CCDC7: variants seen among roughly 807,000 people sequenced by gnomAD.
The protein encoded by CCDC7 is coiled-coil domain containing 7.
A neutral mutation model predicts 196.9 loss-of-function variants in CCDC7; 183 were observed. That is an observed-to-expected ratio of 0.93 (90% confidence interval 0.82 to 1.05). CCDC7 has a LOEUF of 1.05. Ranked by LOEUF, CCDC7 falls within the 50% of genes least tolerant of loss-of-function variation. The pLI is 0.00. For missense variants in CCDC7, 1,540 were observed against 1,482.2 expected (o/e 1.04, Z -0.64); for synonymous variants, 525 against 484.6 (o/e 1.08, Z -1.10).
intron 32 of CCDC7, among the ~76,000 whole-genome samples, chr10:32,826,854 T>G (rs1225588776): frequency 6.6e-6 from 1 of 152,212 alleles, no homozygotes; most frequent in Admixed American, 6.5e-5. Flanking sequence ...TGTGCACTCT[T>G]CATGGAAGGA....
chr10:32,456,079 T>C (rs775370290), intron 2 of CCDC7, among the ~76,000 whole-genome samples, 172 bp from the exon 4 acceptor site: 6 of 152,186 alleles, frequency 3.9e-5, no homozygotes, highest in Non-Finnish European at 8.8e-5. Context: ...TATTTTTTCT[T>C]TGGGAGAATT....
intron 8 of CCDC7, among the ~76,000 whole-genome samples, chr10:32,477,548 C>G (rs539515597): frequency 2.3e-4 from 34 of 148,492 alleles, no homozygotes; most frequent in Admixed American, 1.7e-3. Flanking sequence ...TGTCTAGAGT[C>G]ATTGTTTTTT....
At chr10:32,612,352 A>T (rs538402889) in intron 18 of CCDC7, among the ~76,000 whole-genome samples, 1,279 of 26,690 alleles carry the variant, frequency 0.048, 28 homozygotes, top group Middle Eastern at 0.15. Flanking sequence ...ATATACAATC[A>T]TGTCATCTGC....
upstream of CCDC7, among the ~76,000 whole-genome samples, chr10:32,451,149 A>G (rs561180702): frequency 6.6e-6 from 1 of 152,332 alleles, no homozygotes; most frequent in South Asian, 2.1e-4. Context: ...TATGGAGAGC[A>G]AAGGGTATAG....
intron 31 of CCDC7, among the ~76,000 whole-genome samples, chr10:32,814,731 A>G (rs2088002597): frequency 6.6e-6 from 1 of 152,234 alleles, no homozygotes; most frequent in South Asian, 2.1e-4. Context: ...TGGTAAAAAT[A>G]TCAGTCAAGT....
At chr10:32,566,036 A>G (rs2056732867) in intron 14 of CCDC7, among the ~76,000 whole-genome samples, 1 of 152,178 alleles carries the variant, frequency 6.6e-6, no homozygotes. Context: ...TAGTTAAATA[A>G]TACAACAAGA....
chr10:32,664,566 C>T (rs917702886), intron 21 of CCDC7, among the ~76,000 whole-genome samples: 1 of 152,060 alleles, frequency 6.6e-6, no homozygotes, highest in African/African-American at 2.4e-5. Flanking sequence ...CTTTTTAAAA[C>T]TCCTCATATA....
intron 20 of CCDC7, among the ~76,000 whole-genome samples, chr10:32,642,248 G>T (rs994083703): frequency 6.6e-6 from 1 of 152,222 alleles, no homozygotes; most frequent in South Asian, 2.1e-4. Context: ...GCCCCCAGAG[G>T]TGGAGTCTAC....
intron 41 of CCDC7, among the ~76,000 whole-genome samples, chr10:32,862,179 G>T (rs1235461243): frequency 6.6e-6 from 1 of 152,050 alleles, no homozygotes; most frequent in East Asian, 1.9e-4. Flanking sequence ...ATGCCCATCA[G>T]TGATAGACTG....
At chr10:32,472,438 C>A in intron 6 of CCDC7, 43 bp from the exon 8 acceptor site, 2 of 1,512,156 alleles carry the variant, frequency 1.3e-6, no homozygotes, top group South Asian at 2.7e-5. Flanking sequence ...AACTCTTACT[C>A]TTTGATATAT....
chr10:32,797,463 C>T (rs754680882), intron 29 of CCDC7, among the ~76,000 whole-genome samples: 1 of 151,644 alleles, frequency 6.6e-6, no homozygotes, highest in Non-Finnish European at 1.5e-5. Context: ...AGCTAAGCTA[C>T]GAGGATGCAA....
chr10:32,570,025 A>G (rs1184874195), intron 15 of CCDC7, among the ~76,000 whole-genome samples: 3 of 152,104 alleles, frequency 2.0e-5, no homozygotes, highest in African/African-American at 4.8e-5. Flanking sequence ...TTCTAGGGCC[A>G]TATAAATCTC....
intron 29 of CCDC7, among the ~76,000 whole-genome samples, chr10:32,804,326 A>G (rs1042735063): frequency 2.6e-5 from 4 of 152,172 alleles, no homozygotes; most frequent in African/African-American, 9.7e-5. Context: ...AAAAACTCCA[A>G]TGGAAAAGTA....
upstream of CCDC7, among the ~76,000 whole-genome samples, chr10:32,451,385 A>T (rs1367665167): frequency 6.6e-6 from 1 of 152,222 alleles, no homozygotes; most frequent in African/African-American, 2.4e-5. Flanking sequence ...ATTGATATAA[A>T]TTAGATATTG....
intron 30 of CCDC7, among the ~76,000 whole-genome samples, chr10:32,807,771 A>G (rs529002004): frequency 2.6e-4 from 39 of 151,794 alleles, no homozygotes; most frequent in Non-Finnish European, 4.7e-4. Flanking sequence ...TCACACACAC[A>G]CACCGTGAGA....
chr10:32,862,529 C>A (rs1462607330), intron 41 of CCDC7, among the ~76,000 whole-genome samples: 2 of 151,680 alleles, frequency 1.3e-5, no homozygotes, highest in East Asian at 3.9e-4. Context: ...GCACGTTCTG[C>A]ACATGTACCC....
At chr10:32,871,798 G>A (rs992535337) in intron 41 of CCDC7, among the ~76,000 whole-genome samples, 17 of 151,050 alleles carry the variant, frequency 1.1e-4, no homozygotes, top group African/African-American at 4.1e-4. Flanking sequence ...CTGGTATGTT[G>A]TGTCTTTGTT....
intron 8 of CCDC7, among the ~76,000 whole-genome samples, chr10:32,482,634 G>C (rs546626748): frequency 6.6e-6 from 1 of 152,210 alleles, no homozygotes; most frequent in South Asian, 2.1e-4. Context: ...ATCTCCAAAT[G>C]CTATCCCTCC....
At chr10:32,727,355 A>G (rs2083278965) in intron 26 of CCDC7, among the ~76,000 whole-genome samples, 1 of 152,112 alleles carries the variant, frequency 6.6e-6, no homozygotes, top group African/African-American at 2.4e-5. Flanking sequence ...ACCCTTATAG[A>G]TGGGTGCCAT....
Sources: gnomAD v4.1 joint callset for allele counts (sites outside exome capture counted in the v4.1 genomes callset) on GRCh38, gnomAD v4.1.1 for gene constraint, MANE v1.5 for transcripts, NCBI Gene and HGNC (gene_info 2026-07-23, HGNC 2026-07-21) for gene names.